Variants in KCNH1 observed in about 807,000 individuals in gnomAD.
The protein encoded by KCNH1 is voltage-gated delayed rectifier potassium channel KCNH1.
A neutral mutation model predicts 69.2 loss-of-function variants in KCNH1; 27 were observed. The ratio of observed to expected loss-of-function variants is 0.39; its 90% confidence interval spans 0.29 to 0.54. The LOEUF is 0.54. Among genes scored for constraint, KCNH1 ranks in the 20% least tolerant of loss-of-function variants. The pLI is 0.68. For missense variants in KCNH1, 798 were observed against 1,261.6 expected (o/e 0.63, Z 5.57); for synonymous variants, 456 against 487.7 (o/e 0.93, Z 0.86).
intron 10 of KCNH1, among the ~76,000 whole-genome samples, chr1:210,749,575 T>A (rs1683236214): frequency 6.6e-6 from 1 of 152,116 alleles, no homozygotes; most frequent in South Asian, 2.1e-4. Flanking sequence ...AATTGGAACC[T>A]ACTTGGAACC....
In KCNH1 at chr1:211,089,781, T is replaced by C. The variant is rs146287503; in HGVS notation, c.439+781A>G. On this transcript the variant is annotated intron_variant, in intron 4 of 10. Transcript: ENST00000271751. ...CATCATGAAAAAGCTTGTGGCCTCT[T>C]GGTTATCTTGAGTGTGAGCTATGAA... is the stretch of plus-strand genomic sequence containing the variant. Among the ~76,000 whole-genome samples, 186 of 152,310 alleles carry C rather than the reference T, an allele frequency of 1.2e-3. 2 individuals carry two copies. Among genetic ancestry groups the C allele is most frequent in the African/African-American group, 4.3e-3 (180 of 41,568 alleles).
At chr1:210,874,650 T>A (rs1686328160) in intron 7 of KCNH1, among the ~76,000 whole-genome samples, 1 of 152,164 alleles carries the variant, frequency 6.6e-6, no homozygotes, top group African/African-American at 2.4e-5. Flanking sequence ...CAGAACCATG[T>A]CAGGCACAAT....
chr1:210,842,390 C>T (rs186820237), intron 7 of KCNH1, among the ~76,000 whole-genome samples: 2 of 152,166 alleles, frequency 1.3e-5, no homozygotes, highest in East Asian at 1.9e-4. Context: ...GGCAGATAGA[C>T]AGGGAACACA....
intron 10 of KCNH1, among the ~76,000 whole-genome samples, chr1:210,696,814 C>T (rs1229681536): frequency 6.6e-6 from 1 of 152,186 alleles, no homozygotes; most frequent in Admixed American, 6.5e-5. Context: ...AGAGAACAGC[C>T]TGCATAGAGG....
chr1:211,031,466 C>G (rs549337595), intron 5 of KCNH1, among the ~76,000 whole-genome samples: 1 of 152,244 alleles, frequency 6.6e-6, no homozygotes, highest in East Asian at 1.9e-4. Flanking sequence ...ACCAATATCC[C>G]TGATGAACAT....
intron 6 of KCNH1, among the ~76,000 whole-genome samples, chr1:210,981,951 G>A (rs1411776754): frequency 2.0e-5 from 3 of 152,064 alleles, no homozygotes; most frequent in East Asian, 3.9e-4. Context: ...TAGGTTGGGG[G>A]AAGCGGGTAC....
chr1:211,107,698 C>G (rs1485463999), intron 1 of KCNH1, among the ~76,000 whole-genome samples: 1 of 152,134 alleles, frequency 6.6e-6, no homozygotes, highest in African/African-American at 2.4e-5. Flanking sequence ...AATTTTTCAT[C>G]CCAGTGAAGG....
chr1:210,727,631 G>T (rs540820354), intron 10 of KCNH1, among the ~76,000 whole-genome samples: 1 of 143,898 alleles, frequency 6.9e-6, no homozygotes, highest in East Asian at 2.0e-4. Context: ...ATACACAAAA[G>T]ATTACCCTTC....
chr1:211,107,988 C>T (rs1410403380), intron 1 of KCNH1, among the ~76,000 whole-genome samples: 1 of 152,164 alleles, frequency 6.6e-6, no homozygotes, highest in Non-Finnish European at 1.5e-5. Context: ...TCAAGATGCT[C>T]ACACAACAGG....
chr1:211,037,491 G>C (rs1689918836), intron 5 of KCNH1, among the ~76,000 whole-genome samples: 2 of 127,596 alleles, frequency 1.6e-5, no homozygotes, highest in South Asian at 5.0e-4. Context: ...CTAATTCAGT[G>C]CTTTTTTTTT....
At chr1:210,980,427 T>C (rs1348983282) in intron 6 of KCNH1, among the ~76,000 whole-genome samples, 2 of 152,178 alleles carry the variant, frequency 1.3e-5, no homozygotes, top group Non-Finnish European at 2.9e-5. Context: ...GGCAGCATGA[T>C]ATTGAGAGCC....
chr1:210,701,126 A>C (rs2149010957), intron 10 of KCNH1, among the ~76,000 whole-genome samples: 1 of 151,522 alleles, frequency 6.6e-6, no homozygotes, highest in Middle Eastern at 3.4e-3. Flanking sequence ...TTTAGTAGAG[A>C]CGGGGTTTCA....
intron 7 of KCNH1, among the ~76,000 whole-genome samples, chr1:210,880,510 T>G (rs1406484056): frequency 6.6e-6 from 1 of 152,226 alleles, no homozygotes; most frequent in Non-Finnish European, 1.5e-5. Flanking sequence ...CAACAAATGT[T>G]GCTCTGAAGA....
intron 10 of KCNH1, among the ~76,000 whole-genome samples, chr1:210,726,749 C>A (rs906654687): frequency 6.6e-6 from 1 of 152,138 alleles, no homozygotes; most frequent in Non-Finnish European, 1.5e-5. Context: ...CTGTAGTGAA[C>A]CCCAAACAGG....
At chr1:210,981,280 A>T (rs912778753) in intron 6 of KCNH1, among the ~76,000 whole-genome samples, 6 of 151,266 alleles carry the variant, frequency 4.0e-5, no homozygotes, top group South Asian at 4.2e-4. Flanking sequence ...GCCAAAAGGA[A>T]AACTCAGCAT....
Position 210,797,583 on chromosome 1 carries a change from T to C in KCNH1, c.1840A>G (p.Ser614Gly). Residue 614 changes from serine to glycine, a missense_variant, in exon 9 of 11, where the codon AGC becomes GGC. Ser to Gly is a moderately conservative substitution (Grantham distance 56, BLOSUM62 0). Coordinates refer to ENST00000271751, the MANE Select transcript of KCNH1 (RefSeq NM_172362.3). ...ACCACAAAGCAGAGGCTGTCAACGC[T>C]CTCTCCTGCATGGTAGATGAGGTCC... Reference protein sequence around the residue: ...PGDLIYHAGESVDSLCFVVSG... With the variant: ...PGDLIYHAGEGVDSLCFVVSG... 1.9e-6 allele frequency: 3 copies of C among 1,614,108 alleles called. No homozygotes were observed. Among genetic ancestry groups the C allele is most frequent in the Non-Finnish European group, 1.7e-6 (2 of 1,180,004 alleles).
In KCNH1 at chr1:210,919,448, T is replaced by C. The variant is rs1687415040; in HGVS notation, c.1462+192A>G. ...TCTTTACTTTCTACTTTGCACTCTT[T>C]TGTATTTTCTAAATTTTTTTGCAGT... On this transcript the variant is annotated intron_variant, in intron 7 of 10. Transcript: ENST00000271751. This position sits in a 1 kb window ranked among gnomAD's most constrained non-coding sequence, Gnocchi z 4.2. The C allele has an allele frequency of 1.7e-6, 1 of 603,150 alleles. No homozygotes were observed. Among genetic ancestry groups the C allele is most frequent in the African/African-American group, 1.8e-5 (1 of 54,174 alleles). The allele number at this position is 603,150 out of a possible 1,614,324, so 37.4% of individuals were successfully genotyped here.
At chr1:211,073,135 G>A (rs1690677057) in intron 5 of KCNH1, among the ~76,000 whole-genome samples, 1 of 151,846 alleles carries the variant, frequency 6.6e-6, no homozygotes, top group East Asian at 1.9e-4. Flanking sequence ...AAACAGAGAG[G>A]GGCATTATAA....
chr1:211,015,402 C>T (rs935320100), intron 6 of KCNH1, among the ~76,000 whole-genome samples: 1 of 152,162 alleles, frequency 6.6e-6, no homozygotes, highest in African/African-American at 2.4e-5. Flanking sequence ...GTCATTTCCC[C>T]TGTCTTTTTT....
Sources: gnomAD v4.1 joint callset for allele counts (sites outside exome capture counted in the v4.1 genomes callset) on GRCh38, gnomAD v4.1.1 for gene constraint, Gnocchi (gnomAD v3.1) non-coding constraint, MANE v1.5 for transcripts, NCBI Gene and HGNC (gene_info 2026-07-23, HGNC 2026-07-21) for gene names.